Variants in NOC3L observed in about 807,000 individuals in gnomAD.
The protein encoded by NOC3L is nucleolar complex protein 3 homolog.
NOC3L carries 85 observed loss-of-function variants against 102.5 expected under a neutral mutation model. The ratio of observed to expected loss-of-function variants is 0.83; its 90% CI spans 0.70 to 0.99. The LOEUF (loss-of-function observed/expected upper bound fraction) is 0.99. Among genes scored for constraint, NOC3L ranks in the 50% least tolerant of loss-of-function variants. The pLI is 0.00. For missense variants in NOC3L, 878 were observed against 914.9 expected (o/e 0.96, Z 0.52); for synonymous variants, 303 against 309.4 (o/e 0.98, Z 0.22).
chr10:94,349,122 T>C, intron 10 of NOC3L, 128 bp downstream of exon 10: 4 of 964,382 alleles, frequency 4.1e-6, no homozygotes, highest in South Asian at 3.7e-5. Flanking sequence ...GGAGTTGACA[T>C]GTTAAACACT....
chr10:94,338,498 C>T (rs964629772), intron 18 of NOC3L, 110 bp downstream of exon 18: 11 of 1,252,152 alleles, frequency 8.8e-6, no homozygotes, highest in Non-Finnish European at 1.2e-5. Flanking sequence ...AAGGCAGCCC[C>T]AGAACAAAAT....
At chr10:94,360,973 T>G (rs1015177476) in intron 2 of NOC3L, among the ~76,000 whole-genome samples, 1 of 152,132 alleles carries the variant, frequency 6.6e-6, no homozygotes. Flanking sequence ...TTTTGCACAC[T>G]GCACTCCAGC....
intron 1 of NOC3L, among the ~76,000 whole-genome samples, chr10:94,362,307 T>C (rs1475198521): frequency 6.6e-6 from 1 of 152,200 alleles, no homozygotes; most frequent in Non-Finnish European, 1.5e-5. Flanking sequence ...TATCCTCACA[T>C]TACTGATGAA....
At chr10:94,359,009 TAA>T (rs59277569) in intron 2 of NOC3L, among the ~76,000 whole-genome samples, 3 of 144,804 alleles carry the variant, frequency 2.1e-5, no homozygotes, top group Non-Finnish European at 3.0e-5. Flanking sequence ...TCTTTTTATT[TAA>T]AAAAAAAAAA....
chr10:94,324,197 A>G, the NOC3L span: 1 of 741,784 alleles, frequency 1.3e-6, no homozygotes, highest in Non-Finnish European at 2.4e-6. Context: ...AGCTACAACT[A>G]TACAACTGCA....
At chr10:94,362,775 T>C in intron 1 of NOC3L, 55 bp downstream of exon 1, 1 of 1,600,004 alleles carries the variant, frequency 6.2e-7, no homozygotes, top group Non-Finnish European at 8.6e-7. Flanking sequence ...AGGCAGTGAC[T>C]CTATCACCCG....
chr10:94,320,987 T>C, the NOC3L span, among the ~76,000 whole-genome samples: 1 of 152,238 alleles, frequency 6.6e-6, no homozygotes, highest in Non-Finnish European at 1.5e-5. Flanking sequence ...GATACGCTTC[T>C]GTACTGTTTG....
At chr10:94,315,580 C>G in the NOC3L span, 1 of 446,156 alleles carries the variant, frequency 2.2e-6, no homozygotes, top group South Asian at 1.6e-5. Flanking sequence ...ACCAGCCTGG[C>G]CAACATGGTG....
intron 10 of NOC3L, among the ~76,000 whole-genome samples, chr10:94,348,981 G>A (rs547504470): frequency 1.2e-3 from 188 of 152,068 alleles, no homozygotes; most frequent in Non-Finnish European, 2.4e-3. Context: ...AATGAAAACT[G>A]TTCCAGAACA....
Position 94,346,475 on chromosome 10 carries a change from A to AT in NOC3L, c.1338dup (p.Phe447IlefsTer39). ...TTTCTCTTTTCTTTGAAAGTCATAA[A>AT]TTTTTTTGGTTTATTAATGTCTTCT... is the stretch of plus-strand genomic sequence containing the variant. On this transcript the variant is annotated frameshift_variant, in exon 11 of 21. Transcript: ENST00000371361. LOFTEE classifies it high-confidence loss of function. 1 of 1,512,956 alleles carries AT rather than the reference A, an allele frequency of 6.6e-7. No individual in the cohort carries two copies. 93.7% of individuals were successfully genotyped at this position (1,512,956 alleles called of 1,614,324 possible). A position where few individuals can be genotyped will look rare whatever the true frequency, so the allele number is the denominator to read the frequency against.
downstream of NOC3L, chr10:94,329,803 A>AAAAAAAAAC: frequency 6.7e-6 from 1 of 149,628 alleles, no homozygotes; most frequent in Non-Finnish European, 1.5e-5. Flanking sequence ...AAAAAAAAAA[A>AAAAAAAAAC]AAAAAAAACA....
chr10:94,332,306 G>A (rs2054168987), downstream of NOC3L: 1 of 152,108 alleles, frequency 6.6e-6, no homozygotes, highest in Admixed American at 6.5e-5. Flanking sequence ...CACTGAATTG[G>A]GTACTGTCGC....
chr10:94,322,190 C>A, the NOC3L span: 643 of 857,894 alleles, frequency 7.5e-4, no homozygotes, highest in Non-Finnish European at 1.1e-3. Flanking sequence ...GGAGTGTGTG[C>A]CTCTTAAGGC....
At chr10:94,318,403 G>A in the NOC3L span, among the ~76,000 whole-genome samples, 2 of 152,194 alleles carry the variant, frequency 1.3e-5, no homozygotes, top group African/African-American at 4.8e-5. Context: ...CAGTAAATTT[G>A]TAAACCTCAT....
At chr10:94,328,324 G>A, downstream of NOC3L, 1 of 184,750 alleles carries the variant, frequency 5.4e-6, no homozygotes, top group Non-Finnish European at 1.2e-5. Flanking sequence ...TGCAAAAGCA[G>A]CCATAGACAA....
intron 19 of NOC3L, among the ~76,000 whole-genome samples, chr10:94,335,488 G>C (rs1027255125): frequency 1.3e-5 from 2 of 151,996 alleles, no homozygotes; most frequent in Admixed American, 1.3e-4. Context: ...CAGGTGAGAA[G>C]TGTGAGGGAA....
intron 5 of NOC3L, among the ~76,000 whole-genome samples, chr10:94,356,258 A>C (rs1007140348): frequency 9.2e-5 from 14 of 152,214 alleles, no homozygotes; most frequent in African/African-American, 3.4e-4. Context: ...TTACAATTAA[A>C]AGGAATTCAG....
chr10:94,329,714 G>C (rs1457004403), downstream of NOC3L: 1 of 143,086 alleles, frequency 7.0e-6, no homozygotes, highest in African/African-American at 2.6e-5. Flanking sequence ...GGAGGTGGAG[G>C]CTGCAGTGAG....
At chr10:94,316,664 A>G in the NOC3L span, 2 of 1,613,544 alleles carry the variant, frequency 1.2e-6, no homozygotes, top group African/African-American at 2.7e-5. Flanking sequence ...CCAGAGAGCC[A>G]TTGGTCCAGA....
Sources: allele counts gnomAD v4.1 joint callset (sites outside exome capture counted in the v4.1 genomes callset), GRCh38; gene constraint gnomAD v4.1.1; transcripts MANE v1.5; gene names NCBI Gene and HGNC (gene_info 2026-07-23, HGNC 2026-07-21).